ELMO1: variants seen among roughly 807,000 people sequenced by gnomAD.
The protein encoded by ELMO1 is engulfment and cell motility 1, also known as engulfment and cell motility protein 1.
ELMO1 carries 26 observed loss-of-function variants against 98.9 expected under a neutral mutation model. The observed-to-expected ratio is 0.26, with a 90% confidence interval of 0.19 to 0.36. The LOEUF (loss-of-function observed/expected upper bound fraction) is 0.36, where lower values mean the gene tolerates loss of function less well. ELMO1 is among the 10% of genes least tolerant of loss of function. The pLI, the probability that ELMO1 is intolerant of heterozygous loss-of-function variation, is 1.00. For synonymous variants in ELMO1, 346 were observed against 346.0 expected (o/e 1.00, Z 0.00); for missense variants, 627 against 935.2 (o/e 0.67, Z 4.30).
At chr7:36,916,118 C>T (rs1178184626) in intron 16 of ELMO1, among the ~76,000 whole-genome samples, 2 of 152,218 alleles carry the variant, frequency 1.3e-5, no homozygotes, top group African/African-American at 4.8e-5. Context: ...TGGAAGGCGG[C>T]ACCTGGATGA....
At chr7:36,976,547 C>T (rs1790565220) in intron 16 of ELMO1, among the ~76,000 whole-genome samples, 1 of 152,192 alleles carries the variant, frequency 6.6e-6, no homozygotes, top group Non-Finnish European at 1.5e-5. Flanking sequence ...GGGAACGCAT[C>T]TCTTAACGTG....
At chr7:37,319,431 A>C (rs1167836385) in intron 2 of ELMO1, among the ~76,000 whole-genome samples, 2 of 152,092 alleles carry the variant, frequency 1.3e-5, no homozygotes, top group Non-Finnish European at 2.9e-5. Context: ...TCTTCTTCTG[A>C]ACTCCTGACT....
At chr7:36,926,094 G>A (rs185058985) in intron 16 of ELMO1, among the ~76,000 whole-genome samples, 2 of 152,242 alleles carry the variant, frequency 1.3e-5, no homozygotes, top group East Asian at 3.9e-4. Flanking sequence ...CAACTGCAGG[G>A]TAATATTTTT....
At chr7:37,439,766 A>G (rs750100678) in intron 1 of ELMO1, among the ~76,000 whole-genome samples, 64 of 152,248 alleles carry the variant, frequency 4.2e-4, no homozygotes, top group Non-Finnish European at 8.2e-4. Flanking sequence ...ATGGACAGTA[A>G]TTGAGAAAGT....
chr7:36,945,012 C>T (rs1352825395), intron 16 of ELMO1, among the ~76,000 whole-genome samples: 1 of 152,180 alleles, frequency 6.6e-6, no homozygotes, highest in Admixed American at 6.5e-5. Flanking sequence ...TTTCCAACGC[C>T]TGCTGACTCA....
chr7:37,448,710 CCCGGCGA>C lies in ELMO1; in HGVS notation c.-116_-110del. On this transcript the variant is annotated 5_prime_UTR_variant, in exon 1 of 22. It removes the in-frame stop codon of an upstream open reading frame in the 5' UTR. Coordinates refer to ENST00000310758, the MANE Select transcript of ELMO1 (RefSeq NM_014800.11). Reference sequence around the variant, plus strand: ...TCGCAGGACAGCAGCGGCAAGGGTTCCCGGCGATCAGAGCTCCGGCGACCCGCCACCA... The same window carrying C: ...TCGCAGGACAGCAGCGGCAAGGGTTCTCAGAGCTCCGGCGACCCGCCACCA... 6.6e-6 allele frequency: 1 copy of C among 152,286 alleles called. No individual in the cohort carries two copies. Among genetic ancestry groups the C allele is most frequent in the Admixed American group, 6.5e-5 (1 of 15,286 alleles). 9.4% of individuals were successfully genotyped at this position (152,286 alleles called of 1,614,324 possible).
chr7:37,339,763 T>A (rs556669833), intron 2 of ELMO1, among the ~76,000 whole-genome samples: 1 of 152,198 alleles, frequency 6.6e-6, no homozygotes, highest in African/African-American at 2.4e-5. Context: ...CCATATGTGA[T>A]TAATAGGAGG....
chr7:36,996,760 G>A (rs1415960743), intron 16 of ELMO1, among the ~76,000 whole-genome samples: 1 of 152,174 alleles, frequency 6.6e-6, no homozygotes, highest in African/African-American at 2.4e-5. Context: ...TTGAAGGACA[G>A]GCAGATTTTT....
At chr7:37,177,372 T>A (rs907838789) in intron 13 of ELMO1, among the ~76,000 whole-genome samples, 1 of 152,226 alleles carries the variant, frequency 6.6e-6, no homozygotes, top group African/African-American at 2.4e-5. Flanking sequence ...ATGGGAATAG[T>A]GCTTCTTTCA....
At chr7:36,917,061 T>C (rs1044103537) in intron 16 of ELMO1, among the ~76,000 whole-genome samples, 2 of 152,250 alleles carry the variant, frequency 1.3e-5, no homozygotes, top group African/African-American at 4.8e-5. Flanking sequence ...TGCAATTTTT[T>C]GAGATCTCTG....
chr7:37,202,627 T>C (rs1431889982), intron 13 of ELMO1, among the ~76,000 whole-genome samples: 1 of 152,220 alleles, frequency 6.6e-6, no homozygotes, highest in Non-Finnish European at 1.5e-5. Flanking sequence ...TGAAACACAG[T>C]AAGTTATAAT....
chr7:36,868,198 G>A (rs190660573), intron 20 of ELMO1, among the ~76,000 whole-genome samples: 570 of 152,224 alleles, frequency 3.7e-3, no homozygotes, highest in Admixed American at 6.9e-3. Context: ...TTCATGTTAA[G>A]TTCAGACATG....
rs117489069 is a variant in ELMO1, at chr7:37,010,544, T to C, written c.1437+2755A>G. On this transcript the variant is annotated intron_variant, in intron 16 of 21. Coordinates refer to ENST00000310758, the MANE Select transcript of ELMO1 (RefSeq NM_014800.11). ...TGGCATCTGAGAAGGACTCAAGCTG[T>C]CTTTGCTGGCTTTGAAGATGGACAA... is the stretch of plus-strand genomic sequence containing the variant. 6.2e-4 allele frequency among the ~76,000 whole-genome samples: 94 copies of C among 152,302 alleles called. 1 individual carries two copies. In the East Asian group the frequency reaches 0.017, roughly 28 times the overall value.
chr7:36,877,449 A>G (rs1804071915), intron 19 of ELMO1, among the ~76,000 whole-genome samples: 2 of 152,238 alleles, frequency 1.3e-5, no homozygotes, highest in South Asian at 4.1e-4. Flanking sequence ...CATGTATGTT[A>G]AAACAGACAA....
chr7:37,159,116 C>A (rs924487768), intron 13 of ELMO1, among the ~76,000 whole-genome samples: 2 of 152,092 alleles, frequency 1.3e-5, no homozygotes, highest in East Asian at 3.9e-4. Context: ...AGAACACATG[C>A]ACACAGGGAG....
chr7:36,965,108 C>G (rs1186989815), intron 16 of ELMO1, among the ~76,000 whole-genome samples: 2 of 152,158 alleles, frequency 1.3e-5, no homozygotes, highest in Non-Finnish European at 2.9e-5. Flanking sequence ...GGCCACTCTT[C>G]CTCAGCATCC....
intron 14 of ELMO1, among the ~76,000 whole-genome samples, chr7:37,100,277 C>T (rs1010843550): frequency 4.6e-5 from 7 of 152,310 alleles, no homozygotes; most frequent in Middle Eastern, 3.4e-3. Flanking sequence ...CTAATTTATC[C>T]CCTGAAGATG....
At chr7:37,099,127 G>C (rs745448316) in intron 14 of ELMO1, among the ~76,000 whole-genome samples, 2 of 152,168 alleles carry the variant, frequency 1.3e-5, no homozygotes, top group Non-Finnish European at 2.9e-5. Context: ...GCTTGGAGAA[G>C]TCCTGCTCTT....
chr7:37,082,738 A>G (rs1783537812), intron 15 of ELMO1, among the ~76,000 whole-genome samples: 1 of 151,974 alleles, frequency 6.6e-6, no homozygotes, highest in East Asian at 1.9e-4. Context: ...CAAACAAACA[A>G]ACAAACAAAC....
Sources: gnomAD v4.1 joint callset for allele counts (sites outside exome capture counted in the v4.1 genomes callset) on GRCh38, gnomAD v4.1.1 for gene constraint, MANE v1.5 for transcripts, NCBI Gene and HGNC (gene_info 2026-07-23, HGNC 2026-07-21) for gene names.